The following SVIL variants were observed in gnomAD, a reference collection of about 807,000 sequenced individuals.
SVIL encodes the protein archvillin.
Under a neutral mutation model 240.4 loss-of-function variants are expected in SVIL, and 101 were observed. The observed-to-expected ratio is 0.42, with a 90% confidence interval of 0.36 to 0.50. The LOEUF is 0.50. SVIL is among the 20% of genes least tolerant of loss of function. SVIL has a pLI of 0.01. For synonymous variants in SVIL, 999 were observed against 1,100.0 expected (o/e 0.91, Z 1.82); for missense variants, 2,512 against 2,818.7 (o/e 0.89, Z 2.46).
At chr10:29,465,027 A>G (rs972244109) in intron 34 of SVIL, among the ~76,000 whole-genome samples, 1 of 152,134 alleles carries the variant, frequency 6.6e-6, no homozygotes, top group African/African-American at 2.4e-5. Context: ...CAATACCCCA[A>G]CATCCTTCTC....
rs1028603214 is a variant in SVIL at position 29,552,216 on chromosome 10, AAT to A, written c.161-955_161-954del. Among the ~76,000 whole-genome samples the A allele has an allele frequency of 7.3e-5, 10 of 136,300 alleles. No homozygotes were observed. In the South Asian group the frequency reaches 1.8e-3, roughly 24 times the overall value. 89.4% of individuals were successfully genotyped at this position (136,300 alleles called of 152,430 possible). ...AGTTAATATAATTTTTTCTTTATAA[AAT>A]AGTTAGTTATTAATGTTCTATAAAA... On this transcript the variant is annotated intron_variant, in intron 5 of 37. Transcript: ENST00000355867.
rs764750122 is a variant in SVIL, at chr10:29,663,256, T to C, written c.-300-5188A>G. Reference sequence around the variant, plus strand: ...CAGTAAGACAGTATCTATAGAATGGTGAATATTGTTCCAAATACTGGATTT... The same window carrying C: ...CAGTAAGACAGTATCTATAGAATGGCGAATATTGTTCCAAATACTGGATTT... On this transcript the variant is annotated intron_variant, in intron 2 of 35. Transcript: ENST00000375400. Among the ~76,000 whole-genome samples the C allele has an allele frequency of 3.3e-5, 5 of 152,360 alleles. No homozygotes were observed. The South Asian group carries it at 1.0e-3, about 32-fold the overall frequency.
At chr10:29,499,984 A>C (rs925453895) in intron 17 of SVIL, among the ~76,000 whole-genome samples, 1 of 152,138 alleles carries the variant, frequency 6.6e-6, no homozygotes, top group Non-Finnish European at 1.5e-5. Flanking sequence ...TGCTTCTTCC[A>C]TTTCCAAGCC....
intron 7 of SVIL, 120 bp downstream of exon 7, chr10:29,535,869 A>AT (rs1335912036): frequency 3.0e-6 from 3 of 985,394 alleles, no homozygotes; most frequent in East Asian, 4.9e-5. Flanking sequence ...CTTCCACGTG[A>AT]TTTTCAAGTG....
upstream of SVIL, among the ~76,000 whole-genome samples, chr10:29,638,962 A>G (rs1336544728): frequency 6.6e-6 from 1 of 152,138 alleles, no homozygotes; most frequent in Non-Finnish European, 1.5e-5. Context: ...TCAATTTTTG[A>G]TTATATTTCA....
At chr10:29,675,466 T>C (rs1960129266) in intron 2 of SVIL, among the ~76,000 whole-genome samples, 1 of 152,202 alleles carries the variant, frequency 6.6e-6, no homozygotes, top group African/African-American at 2.4e-5. Context: ...ATTGTGCCAC[T>C]GCACTGCAAT....
At chr10:29,672,795 T>C (rs551798040) in intron 2 of SVIL, among the ~76,000 whole-genome samples, 3 of 152,148 alleles carry the variant, frequency 2.0e-5, no homozygotes, top group African/African-American at 2.4e-5. Flanking sequence ...TACTCACTTA[T>C]CTTTCTTTGC....
intron 2 of SVIL, among the ~76,000 whole-genome samples, chr10:29,679,559 CTT>C (rs369701914): frequency 7.1e-6 from 1 of 140,794 alleles, no homozygotes; most frequent in Non-Finnish European, 1.5e-5. Flanking sequence ...TTTTCTTTTC[CTT>C]TTTTTTTTTT....
In SVIL at chr10:29,550,884, A is replaced by T. The variant is rs1245540952; in HGVS notation, c.540T>A (p.Gly180=). The T allele has an allele frequency of 6.2e-7, 1 of 1,613,724 alleles. No individual in the cohort carries two copies. Among genetic ancestry groups the T allele is most frequent in the South Asian group, 1.1e-5 (1 of 91,014 alleles). The change falls in exon 6 of 38, where the codon GGT becomes GGA. Residue 180 remains glycine (G), a synonymous_variant. Coordinates refer to ENST00000355867, the MANE Select transcript of SVIL (RefSeq NM_021738.3). ...TETMGLRTCA[G]ESKDYALHVG... is the part of the protein sequence containing the mutation. ...CATGGAGGGCATAGTCCTTGGATTCACCGGCACAGGTCCTGAGCCCCATCG... is the reference window on the plus strand; with the variant it reads ...CATGGAGGGCATAGTCCTTGGATTCTCCGGCACAGGTCCTGAGCCCCATCG...
intron 31 of SVIL, 63 bp from the exon 32 acceptor site, chr10:29,470,546 C>T (rs979294531): frequency 6.3e-7 from 1 of 1,580,196 alleles, no homozygotes; most frequent in African/African-American, 1.3e-5. Context: ...AAACGCGGCC[C>T]TTCCTAGTGT....
chr10:29,663,285 A>G (rs192522613), intron 2 of SVIL, among the ~76,000 whole-genome samples: 8 of 152,382 alleles, frequency 5.2e-5, no homozygotes, highest in African/African-American at 1.9e-4. Context: ...TGGATTTTTC[A>G]GTAAGTAAAC....
At chr10:29,660,070 G>A (rs1439285128) in intron 2 of SVIL, among the ~76,000 whole-genome samples, 1 of 152,208 alleles carries the variant, frequency 6.6e-6, no homozygotes, top group Non-Finnish European at 1.5e-5. Context: ...TGTAATCCCA[G>A]CACTTTGGGA....
Position 29,486,245 on chromosome 10 carries a change from G to T in SVIL, c.4634-15C>A, listed in dbSNP as rs1240900570. ...GTCTCCAGCAGCTTGGGGATAAGAAGAACAGGAGAGCATCACATTTTACAT... is the reference window on the plus strand; with the variant it reads ...GTCTCCAGCAGCTTGGGGATAAGAATAACAGGAGAGCATCACATTTTACAT... On this transcript the variant is annotated splice_polypyrimidine_tract_variant and intron_variant, in intron 25 of 37. Coordinates refer to ENST00000355867, the MANE Select transcript of SVIL (RefSeq NM_021738.3). The T allele has an allele frequency of 2.5e-6, 4 of 1,613,564 alleles. No individual in the cohort carries two copies. The African/African-American group carries it at 4.0e-5, about 16-fold the overall frequency.
intron 1 of SVIL, among the ~76,000 whole-genome samples, chr10:29,589,373 G>A (rs1225766825): frequency 6.6e-6 from 1 of 152,198 alleles, no homozygotes; most frequent in African/African-American, 2.4e-5. Flanking sequence ...AATCTGGAGG[G>A]GAGGAGAGCG....
rs555549018 is a variant in SVIL at position 29,589,983 on chromosome 10, T to A, written c.-200-20671A>T. Among the ~76,000 whole-genome samples the A allele has an allele frequency of 3.3e-5, 5 of 151,910 alleles. 1 individual carries two copies. The South Asian group carries it at 1.0e-3, about 32-fold the overall frequency. ...GGAGTGAAGACCAGCCTGGCCAAGA[T>A]GGTGAAACCCCGTCTCTACTAAAAA... On this transcript the variant is annotated intron_variant, in intron 1 of 37. Coordinates refer to ENST00000355867, the MANE Select transcript of SVIL (RefSeq NM_021738.3).
At chr10:29,488,895 G>C in intron 22 of SVIL, 139 bp from the exon 23 acceptor site, 4 of 939,102 alleles carry the variant, frequency 4.3e-6, no homozygotes, top group African/African-American at 1.7e-5. Context: ...ACTCAAGTTT[G>C]ATTAAATGTG....
At chr10:29,462,203 C>G (rs1944339195) in intron 36 of SVIL, 74 bp downstream of exon 36, 2 of 1,516,148 alleles carry the variant, frequency 1.3e-6, no homozygotes, top group Admixed American at 2.2e-5. Context: ...ATTGGATGCT[C>G]TCCCCAAAGT....
intron 20 of SVIL, 141 bp downstream of exon 20, chr10:29,494,773 T>C: frequency 1.3e-6 from 1 of 776,866 alleles, no homozygotes; most frequent in Non-Finnish European, 2.1e-6. Flanking sequence ...GTCCCCAATT[T>C]AGTACGTTAT....
At chr10:29,482,084 A>G (rs1270900696) in intron 27 of SVIL, among the ~76,000 whole-genome samples, 8 of 144,178 alleles carry the variant, frequency 5.5e-5, no homozygotes, top group Non-Finnish European at 9.0e-5. Context: ...GCTGAAGTGC[A>G]GTTGCACAAT....
Sources: allele counts gnomAD v4.1 joint callset (sites outside exome capture counted in the v4.1 genomes callset), GRCh38; gene constraint gnomAD v4.1.1; transcripts MANE v1.5; gene names NCBI Gene and HGNC (gene_info 2026-07-23, HGNC 2026-07-21).